Variants in NOL12 observed in about 807,000 individuals in gnomAD.
NOL12 encodes nucleolar protein 12.
A neutral mutation model predicts 25.2 loss-of-function variants in NOL12; 21 were observed. That is an observed-to-expected ratio of 0.83 (90% CI 0.59 to 1.20). The LOEUF (loss-of-function observed/expected upper bound fraction) is 1.20. Among genes scored for constraint, NOL12 ranks in the 50% most tolerant of loss-of-function variants. The probability of loss-of-function intolerance (pLI) is 0.00; values close to 1 mark genes in which losing one functional copy is unlikely to be tolerated. For missense variants in NOL12, 286 were observed against 287.6 expected (o/e 0.99, Z 0.04); for synonymous variants, 133 against 113.8 (o/e 1.17, Z -1.08).
Position 37,691,566 on chromosome 22 carries a change from G to A in NOL12, c.*230G>A, listed in dbSNP as rs779576452. On this transcript the variant is annotated 3_prime_UTR_variant, in exon 6 of 6. Coordinates refer to ENST00000359114, the MANE Select transcript of NOL12 (RefSeq NM_024313.3). ...GCTGAGAGCAGGCCTCCCCCAGGAA[G>A]AGCCTTCAGAGCCACGTGGGGGCAT... 1 of 492,110 alleles carries A rather than the reference G, an allele frequency of 2.0e-6. No homozygotes were observed. The highest frequency in any genetic ancestry group is 3.5e-6 in the Non-Finnish European group (1 of 285,224). 30.5% of individuals were successfully genotyped at this position (492,110 alleles called of 1,614,324 possible). A position where few individuals can be genotyped will look rare whatever the true frequency, so the allele number is the denominator to read the frequency against.
chr22:37,692,700 G>A lies in NOL12; in HGVS notation c.*1364G>A, dbSNP rs555064879. The A allele has an allele frequency of 7.8e-5, 31 of 399,108 alleles. No homozygotes were observed. Among genetic ancestry groups the A allele is most frequent in the East Asian group, 1.1e-4 (3 of 28,084 alleles). 24.7% of individuals were successfully genotyped at this position (399,108 alleles called of 1,614,324 possible). A position where few individuals can be genotyped will look rare whatever the true frequency, so the allele number is the denominator to read the frequency against. On this transcript the variant is annotated 3_prime_UTR_variant, in exon 6 of 6. Transcript: ENST00000359114. ...TGAGGGGCATCTGCGACAGGACTGCGGGCTCTACCCGCCCTGATGTGGGAG... is the reference window on the plus strand; with the variant it reads ...TGAGGGGCATCTGCGACAGGACTGCAGGCTCTACCCGCCCTGATGTGGGAG...
rs1922069594 is a variant in NOL12, at chr22:37,691,621, C to T, written c.*285C>T. The T allele has an allele frequency of 7.4e-6, 3 of 403,156 alleles. No homozygotes were observed. Among genetic ancestry groups the T allele is most frequent in the Non-Finnish European group, 1.3e-5 (3 of 227,218 alleles). The allele number at this position is 403,156 out of a possible 1,614,324, so 25.0% of individuals were successfully genotyped here. On this transcript the variant is annotated 3_prime_UTR_variant, in exon 6 of 6. Transcript: ENST00000359114. ...CCAAATGTGCACCCCACCTGGCACT[C>T]ATCAGATTTGTGCGCTTGTGATTTG...
chr22:37,686,666 C>T, intron 1 of NOL12, 191 bp downstream of exon 1: 1 of 985,440 alleles, frequency 1.0e-6, no homozygotes, highest in Non-Finnish European at 1.2e-6. Flanking sequence ...CCTTCTTGAC[C>T]TCCCCACCTC....
chr22:37,686,695 G>T (rs1289137986), intron 1 of NOL12: 1 of 985,298 alleles, frequency 1.0e-6, no homozygotes, highest in Non-Finnish European at 1.2e-6. Flanking sequence ...TCTGTGCGCC[G>T]CCAGATAGCC....
rs1301957050 is a variant in NOL12, at chr22:37,691,626, G to GATTTGTGGAACTCATCAA, written c.*297_*298insGAACTCATCAAATTTGTG. 7.8e-6 allele frequency: 3 copies of GATTTGTGGAACTCATCAA among 385,842 alleles called. No individual in the cohort carries two copies. The highest frequency in any genetic ancestry group is 6.2e-5 in the African/African-American group (3 of 48,580). 23.9% of individuals were successfully genotyped at this position (385,842 alleles called of 1,614,324 possible). ...TGTGCACCCCACCTGGCACTCATCAGATTTGTGCGCTTGTGATTTGTTTGT... is the reference window on the plus strand; with the variant it reads ...TGTGCACCCCACCTGGCACTCATCAGATTTGTGGAACTCATCAAATTTGTGCGCTTGTGATTTGTTTGT... On this transcript the variant is annotated 3_prime_UTR_variant, in exon 6 of 6. Coordinates refer to ENST00000359114, the MANE Select transcript of NOL12 (RefSeq NM_024313.3).
chr22:37,692,562 T>A lies in NOL12; in HGVS notation c.*1226T>A. 2.5e-6 allele frequency: 1 copy of A among 398,588 alleles called. No homozygotes were observed. The highest frequency in any genetic ancestry group is 4.4e-5 in the Admixed American group (1 of 22,734). 24.7% of individuals were successfully genotyped at this position (398,588 alleles called of 1,614,324 possible). A position where few individuals can be genotyped will look rare whatever the true frequency, so the allele number is the denominator to read the frequency against. On this transcript the variant is annotated 3_prime_UTR_variant, in exon 6 of 6. Transcript: ENST00000359114. ...GAGAGAATTTCAGGTTGTGCCTTGGTTAGAGGAGCTGTGTTGGGTCCTAAA... is the reference window on the plus strand; with the variant it reads ...GAGAGAATTTCAGGTTGTGCCTTGGATAGAGGAGCTGTGTTGGGTCCTAAA...
rs1922029945 is a variant in NOL12, at chr22:37,690,799, G to C, written c.479+5G>C. ...AGACCCCCTGCTCTCTCAGCGGTGA[G>C]TCTTGGCCTGCTGCCTCCCCGGTCC... On this transcript the variant is annotated splice_donor_5th_base_variant and intron_variant, in intron 5 of 5. Coordinates refer to ENST00000359114, the MANE Select transcript of NOL12 (RefSeq NM_024313.3). The C allele has an allele frequency of 6.2e-7, 1 of 1,607,020 alleles. No homozygotes were observed. The highest frequency in any genetic ancestry group is 1.3e-5 in the African/African-American group (1 of 74,776).
Position 37,686,550 on chromosome 22 carries a change from C to T in NOL12, c.83+75C>T, listed in dbSNP as rs1172672452. ...AAGGCCAGGTCTGGGGCCGAGCACG[C>T]TCCCGCCGGGGGCTCTTCCGGTCCC... On this transcript the variant is annotated intron_variant, in intron 1 of 5. Transcript: ENST00000359114. 5 of 1,443,254 alleles carry T rather than the reference C, an allele frequency of 3.5e-6. No individual in the cohort carries two copies. The Admixed American group carries it at 9.9e-5, about 29-fold the overall frequency. The allele number at this position is 1,443,254 out of a possible 1,614,324, so 89.4% of individuals were successfully genotyped here.
At position 37,689,997 on chromosome 22, in the gene NOL12, C is replaced by T. The variant is rs576679655; in HGVS notation, c.382-700C>T. Among the ~76,000 whole-genome samples the T allele has an allele frequency of 1.0e-3, 157 of 152,336 alleles. 1 individual carries two copies. The highest frequency in any genetic ancestry group is 3.6e-3 in the African/African-American group (150 of 41,576). The stretch of plus-strand genomic sequence containing the variant: ...GACCAGACTGACCAACGTGGAGAAA[C>T]CCTGTCTCTACTAAAAATACAAAAT... On this transcript the variant is annotated intron_variant, in intron 4 of 5. Transcript: ENST00000359114.
chr22:37,693,345 A>G lies in NOL12; in HGVS notation c.*2009A>G, dbSNP rs1601609669. ...GTTGCTCTCCAGGTGTGCCTACCGCATGTTGCCGCTGCTGTTTCTGCTGGG... is the reference window on the plus strand; with the variant it reads ...GTTGCTCTCCAGGTGTGCCTACCGCGTGTTGCCGCTGCTGTTTCTGCTGGG... On this transcript the variant is annotated 3_prime_UTR_variant, in exon 6 of 6. Coordinates refer to ENST00000359114, the MANE Select transcript of NOL12 (RefSeq NM_024313.3). 1 of 152,606 alleles carries G rather than the reference A, an allele frequency of 6.6e-6. No individual in the cohort carries two copies. The highest frequency in any genetic ancestry group is 1.5e-5 in the Non-Finnish European group (1 of 68,066). 9.5% of individuals were successfully genotyped at this position (152,606 alleles called of 1,614,324 possible). A position where few individuals can be genotyped will look rare whatever the true frequency, so the allele number is the denominator to read the frequency against.
At position 37,692,769 on chromosome 22, in the gene NOL12, G is replaced by A. The variant is rs148329690; in HGVS notation, c.*1433G>A. On this transcript the variant is annotated 3_prime_UTR_variant, in exon 6 of 6. Transcript: ENST00000359114. ...GCAGTGAGCCAGGGTCTGCAGGGCT[G>A]TCCTCTCTCCACAGCCAACAGCCAG... 1.9e-3 allele frequency: 759 copies of A among 398,796 alleles called. 9 individuals carry two copies. The highest frequency in any genetic ancestry group is 0.015 in the African/African-American group (709 of 48,752). 24.7% of individuals were successfully genotyped at this position (398,796 alleles called of 1,614,324 possible).
rs770944891 is a variant in NOL12, at chr22:37,688,825, A to C, written c.239-25A>C. The C allele has an allele frequency of 5.6e-6, 9 of 1,613,700 alleles. No homozygotes were observed. The Admixed American group carries it at 1.5e-4, about 27-fold the overall frequency. The stretch of plus-strand genomic sequence containing the variant: ...CTGGTCACTCGTTCCCGTGACTGAG[A>C]CCAGGTCTGTGTCCACCCCCACAGA... On this transcript the variant is annotated intron_variant, in intron 3 of 5. Transcript: ENST00000359114.
intron 1 of NOL12, chr22:37,686,937 G>A: frequency 4.1e-6 from 4 of 985,458 alleles, no homozygotes; most frequent in Non-Finnish European, 4.8e-6. Flanking sequence ...ATAAATAAAT[G>A]GCACATGGTA....
At chr22:37,688,827 C>G (rs1203218614) in intron 3 of NOL12, 23 bp from the exon 4 acceptor site, 7 of 1,613,644 alleles carry the variant, frequency 4.3e-6, no homozygotes, top group Non-Finnish European at 5.9e-6. Flanking sequence ...TGACTGAGAC[C>G]AGGTCTGTGT....
rs780926706 is a variant in NOL12 at position 37,686,380 on chromosome 22, C to A, written c.-13C>A. The A allele has an allele frequency of 6.3e-7, 1 of 1,587,100 alleles. No homozygotes were observed. Among genetic ancestry groups the A allele is most frequent in the East Asian group, 2.4e-5 (1 of 42,544 alleles). Reference sequence around the variant, plus strand: ...AGTGTCTTCAGGGAGAGGAAGCCGGCGGCCTCACTGCTATGGGCCGCAACA... The same window carrying A: ...AGTGTCTTCAGGGAGAGGAAGCCGGAGGCCTCACTGCTATGGGCCGCAACA... On this transcript the variant is annotated 5_prime_UTR_variant, in exon 1 of 6. Coordinates refer to ENST00000359114, the MANE Select transcript of NOL12 (RefSeq NM_024313.3).
chr22:37,688,705 C>A, intron 3 of NOL12, 145 bp from the exon 4 acceptor site: 1 of 777,138 alleles, frequency 1.3e-6, no homozygotes, highest in South Asian at 1.6e-5. Flanking sequence ...CATTCATCCA[C>A]AGACCAGGCT....
chr22:37,686,686 C>G (rs1311035879), intron 1 of NOL12: 28 of 985,350 alleles, frequency 2.8e-5, no homozygotes, highest in Non-Finnish European at 3.4e-5. Flanking sequence ...CGCCTAGTGT[C>G]TGTGCGCCGC....
rs1922049771 is a variant in NOL12, at chr22:37,691,196, C to T, written c.502C>T (p.Leu168=). 6.2e-7 allele frequency: 1 copy of T among 1,613,384 alleles called. No individual in the cohort carries two copies. Among genetic ancestry groups the T allele is most frequent in the South Asian group, 1.1e-5 (1 of 90,968 alleles). The change falls in exon 6 of 6, where the codon CTA becomes TTA. Residue 168 remains leucine (L), a synonymous_variant. Transcript: ENST00000359114. The part of the protein sequence containing the change: ...SQRISSLTAS[L]HAHSRKKVKR... Reference sequence around the variant, plus strand: ...TAGGATCTCCTCCCTCACAGCATCACTACATGCACACAGCCGCAAAAAGGT... The same window carrying T: ...TAGGATCTCCTCCCTCACAGCATCATTACATGCACACAGCCGCAAAAAGGT...
In NOL12 at chr22:37,686,919, C is replaced by T. The variant is rs193058989; in HGVS notation, c.83+444C>T. Reference sequence around the variant, plus strand: ...AAGCAGAACCTCTGAGCCTCAGCGTCTGGCCAGATAAATAAATGGCACATG... The same window carrying T: ...AAGCAGAACCTCTGAGCCTCAGCGTTTGGCCAGATAAATAAATGGCACATG... On this transcript the variant is annotated intron_variant, in intron 1 of 5. Coordinates refer to ENST00000359114, the MANE Select transcript of NOL12 (RefSeq NM_024313.3). 1.4e-4 allele frequency: 142 copies of T among 985,478 alleles called. No individual in the cohort carries two copies. The Middle Eastern group carries it at 2.1e-3, about 15-fold the overall frequency. The allele number at this position is 985,478 out of a possible 1,614,324, so 61.0% of individuals were successfully genotyped here.
Sources: allele counts gnomAD v4.1 joint callset (sites outside exome capture counted in the v4.1 genomes callset), GRCh38; gene constraint gnomAD v4.1.1; transcripts MANE v1.5; gene names NCBI Gene and HGNC (gene_info 2026-07-23, HGNC 2026-07-21).